Variants in BAALC observed in about 807,000 individuals in gnomAD.
BAALC encodes BAALC binder of MAP3K1 and KLF4, also known as brain and acute leukemia cytoplasmic protein.
In BAALC, 9 loss-of-function variants were observed where a neutral mutation model predicts 15.5. That is an observed-to-expected ratio of 0.58 (90% CI 0.35 to 1.02). BAALC has a LOEUF of 1.02. Ranked by LOEUF, BAALC falls within the 50% of genes least tolerant of loss-of-function variation. The pLI is 0.02. For missense variants in BAALC, 201 were observed against 192.4 expected (o/e 1.04, Z -0.27); for synonymous variants, 80 against 74.6 (o/e 1.07, Z -0.37).
Position 103,228,149 on chromosome 8 carries a change from G to GA in BAALC, c.*50_*51insA. The GA allele has an allele frequency of 1.6e-6, 2 of 1,257,422 alleles. No individual in the cohort carries two copies. Among genetic ancestry groups the GA allele is most frequent in the Non-Finnish European group, 2.3e-6 (2 of 864,750 alleles). The allele number at this position is 1,257,422 out of a possible 1,614,324, so 77.9% of individuals were successfully genotyped here. On this transcript the variant is annotated 3_prime_UTR_variant, in exon 3 of 3. Coordinates refer to ENST00000309982, the MANE Select transcript of BAALC (RefSeq NM_024812.3). ...ATGGACTTCTTCAGTGTCCTTCACGGCACTGGATCCCATCAAAGAACCTTG... is the reference window on the plus strand; with the variant it reads ...ATGGACTTCTTCAGTGTCCTTCACGGACACTGGATCCCATCAAAGAACCTTG...
chr8:103,199,794 ATTTT>A (rs971850710), intron 1 of BAALC, among the ~76,000 whole-genome samples: 1 of 220 alleles, frequency 4.5e-3, no homozygotes, highest in Non-Finnish European at 0.01. Context: ...ATTTTTCCTG[ATTTT>A]TCCTCCCTCC....
At chr8:103,144,371 T>G (rs1311691608) in intron 1 of BAALC, among the ~76,000 whole-genome samples, 1 of 152,236 alleles carries the variant, frequency 6.6e-6, no homozygotes, top group Non-Finnish European at 1.5e-5. Context: ...AGGCTAGAAT[T>G]TAAAAGCTAG....
In BAALC at chr8:103,189,850, G is replaced by T. The variant is rs149563372; in HGVS notation, c.161-23069G>T. ...CAGTGGTGCAATACGGTGTGAGGGA[G>T]AAAGACATGCTGAGGGAAGATCCGT... is the stretch of plus-strand genomic sequence containing the variant. On this transcript the variant is annotated intron_variant, in intron 1 of 2. Coordinates refer to ENST00000309982, the MANE Select transcript of BAALC (RefSeq NM_024812.3). Among the ~76,000 whole-genome samples the T allele has an allele frequency of 9.2e-3, 1,404 of 152,318 alleles. 15 individuals carry two copies. The highest frequency in any genetic ancestry group is 0.017 in the Admixed American group (265 of 15,306).
intron 1 of BAALC, 36 bp downstream of exon 1, chr8:103,141,093 C>T (rs1402704840): frequency 5.7e-6 from 8 of 1,400,666 alleles, no homozygotes; most frequent in South Asian, 4.9e-5. Flanking sequence ...CTCGCCCGCC[C>T]GCTACCCCGG....
At chr8:103,180,307 G>A (rs911755150) in intron 1 of BAALC, among the ~76,000 whole-genome samples, 5 of 152,196 alleles carry the variant, frequency 3.3e-5, no homozygotes, top group African/African-American at 1.2e-4. Flanking sequence ...TGGTCACTAT[G>A]GTTTCCAGAA....
intron 2 of BAALC, among the ~76,000 whole-genome samples, chr8:103,221,775 G>T (rs1812682385): frequency 6.6e-6 from 1 of 152,070 alleles, no homozygotes. Flanking sequence ...TAAGGTTTTT[G>T]AGATGTAACT....
rs373041863 is a variant in BAALC at position 103,177,193 on chromosome 8, G to T, written c.161-35726G>T. On this transcript the variant is annotated intron_variant, in intron 1 of 2. Coordinates refer to ENST00000309982, the MANE Select transcript of BAALC (RefSeq NM_024812.3). ...TTGTTGTTGTTGTTGTTGTTGTTTTGTTTTTTTTTTTTTGAGACAAGATCT... is the reference window on the plus strand; with the variant it reads ...TTGTTGTTGTTGTTGTTGTTGTTTTTTTTTTTTTTTTTTGAGACAAGATCT... Among the ~76,000 whole-genome samples the T allele has an allele frequency of 3.9e-3, 562 of 145,484 alleles. 3 individuals carry two copies. Among genetic ancestry groups the T allele is most frequent in the African/African-American group, 0.012 (465 of 39,228 alleles).
In BAALC at chr8:103,200,035, C is replaced by T. The variant is rs572658003; in HGVS notation, c.161-12884C>T. Among the ~76,000 whole-genome samples the T allele has an allele frequency of 3.3e-5, 5 of 152,266 alleles. No homozygotes were observed. The South Asian group carries it at 6.2e-4, about 19-fold the overall frequency. Reference sequence around the variant, plus strand: ...AGTATTCTATGGTGTATATATACAACATTTTCTTTATCTAGTCTATCACCA... The same window carrying T: ...AGTATTCTATGGTGTATATATACAATATTTTCTTTATCTAGTCTATCACCA... On this transcript the variant is annotated intron_variant, in intron 1 of 2. Transcript: ENST00000309982.
In BAALC at chr8:103,160,068, A is replaced by G. The variant is rs188374414; in HGVS notation, c.160+19011A>G. ...CTTGGTTCCTAACAACATTATAAGT[A>G]AGAAACTAAGGTTGCTTTGTCTTAT... is the stretch of plus-strand genomic sequence containing the variant. On this transcript the variant is annotated intron_variant, in intron 1 of 2. Transcript: ENST00000309982. Among the ~76,000 whole-genome samples, 312 of 152,300 alleles carry G rather than the reference A, an allele frequency of 2.0e-3. 1 individual carries two copies. The highest frequency in any genetic ancestry group is 0.014 in the Middle Eastern group (4 of 294).
intron 1 of BAALC, among the ~76,000 whole-genome samples, chr8:103,186,624 A>T (rs1811844549): frequency 6.6e-6 from 1 of 151,814 alleles, no homozygotes; most frequent in Non-Finnish European, 1.5e-5. Flanking sequence ...TACCCCAGGG[A>T]CTCTTGATTA....
In BAALC at chr8:103,229,239, C is replaced by T. The variant is rs1307173570; in HGVS notation, c.*1140C>T. On this transcript the variant is annotated 3_prime_UTR_variant, in exon 3 of 3. Coordinates refer to ENST00000309982, the MANE Select transcript of BAALC (RefSeq NM_024812.3). Reference sequence around the variant, plus strand: ...AACATGTTCATCTGGAAGTATTTTCCTCCAAAGTAATGTAGCATGATTTTT... The same window carrying T: ...AACATGTTCATCTGGAAGTATTTTCTTCCAAAGTAATGTAGCATGATTTTT... The T allele has an allele frequency of 6.6e-6, 1 of 152,168 alleles. No individual in the cohort carries two copies. The highest frequency in any genetic ancestry group is 1.5e-5 in the Non-Finnish European group (1 of 68,042). The allele number at this position is 152,168 out of a possible 1,614,324, so 9.4% of individuals were successfully genotyped here.
chr8:103,219,254 TTTTTCTTTA>T (rs1162535506), intron 2 of BAALC, among the ~76,000 whole-genome samples: 1 of 152,210 alleles, frequency 6.6e-6, no homozygotes, highest in Non-Finnish European at 1.5e-5. Flanking sequence ...CACTGCCTTA[TTTTTCTTTA>T]TATTCTTCCC....
At chr8:103,148,723 G>A (rs76443321) in intron 1 of BAALC, among the ~76,000 whole-genome samples, 2,761 of 152,208 alleles carry the variant, frequency 0.018, 30 homozygotes, top group Middle Eastern at 0.14. Context: ...GCAGGTTTCC[G>A]TTGTTTAAGC....
intron 1 of BAALC, among the ~76,000 whole-genome samples, chr8:103,192,851 C>T (rs1812002198): frequency 6.6e-6 from 1 of 152,224 alleles, no homozygotes; most frequent in Non-Finnish European, 1.5e-5. Context: ...CTGTGCTTCT[C>T]TGTGGCCCAT....
intron 1 of BAALC, among the ~76,000 whole-genome samples, chr8:103,145,918 C>G (rs948687371): frequency 1.3e-5 from 2 of 152,028 alleles, no homozygotes; most frequent in African/African-American, 4.8e-5. Context: ...TTCAGTTTAA[C>G]GTTTAAATTT....
intron 1 of BAALC, among the ~76,000 whole-genome samples, chr8:103,192,331 C>A (rs558746825): frequency 6.6e-6 from 1 of 152,178 alleles, no homozygotes; most frequent in Non-Finnish European, 1.5e-5. Flanking sequence ...GGATTACAGG[C>A]GTGAGCCACC....
At chr8:103,142,430 C>T (rs1810798182) in intron 1 of BAALC, among the ~76,000 whole-genome samples, 1 of 152,106 alleles carries the variant, frequency 6.6e-6, no homozygotes, top group Non-Finnish European at 1.5e-5. Flanking sequence ...TAGCAAGTCA[C>T]CAAATGGTGT....
intron 1 of BAALC, among the ~76,000 whole-genome samples, chr8:103,151,106 C>T (rs1273994528): frequency 6.6e-6 from 1 of 151,726 alleles, no homozygotes; most frequent in Non-Finnish European, 1.5e-5. Flanking sequence ...CAACCTCTGC[C>T]TCCTGGGTTC....
At chr8:103,141,966 C>T (rs1157147587) in intron 1 of BAALC, among the ~76,000 whole-genome samples, 1 of 152,128 alleles carries the variant, frequency 6.6e-6, no homozygotes, top group East Asian at 1.9e-4. Flanking sequence ...TAATCATAAA[C>T]ATATTGGTGA....
Sources: gnomAD v4.1 joint callset for allele counts (sites outside exome capture counted in the v4.1 genomes callset) on GRCh38, gnomAD v4.1.1 for gene constraint, MANE v1.5 for transcripts, NCBI Gene and HGNC (gene_info 2026-07-23, HGNC 2026-07-21) for gene names.